DCAKD: variants seen among roughly 807,000 people sequenced by gnomAD.
DCAKD encodes the protein dephospho-CoA kinase domain-containing protein.
In DCAKD, 15 loss-of-function variants were observed where a neutral mutation model predicts 18.7. That is an observed-to-expected ratio of 0.80 (90% CI 0.54 to 1.24). The LOEUF is 1.24. DCAKD is among the 50% of genes most tolerant of loss of function. The pLI, the probability that DCAKD is intolerant of heterozygous loss-of-function variation, is 0.00. For missense variants in DCAKD, 301 were observed against 322.0 expected (o/e 0.93, Z 0.50); for synonymous variants, 130 against 133.0 (o/e 0.98, Z 0.16).
At chr17:45,030,002 TG>T in intron 4 of DCAKD, 89 bp downstream of exon 4, 1 of 1,242,936 alleles carries the variant, frequency 8.0e-7, no homozygotes, top group Non-Finnish European at 1.2e-6. Context: ...GGCCGCCCCG[TG>T]GGGAAAGGGC....
chr17:45,033,059 G>A (rs1305108200), intron 3 of DCAKD, among the ~76,000 whole-genome samples: 1 of 152,084 alleles, frequency 6.6e-6, no homozygotes, highest in Non-Finnish European at 1.5e-5. Flanking sequence ...GAAGAACATG[G>A]CTTAGGCCAG....
chr17:45,033,712 G>C (rs991996136), intron 3 of DCAKD: 4 of 348,080 alleles, frequency 1.1e-5, no homozygotes, highest in African/African-American at 8.8e-5. Context: ...TGATCTGCCT[G>C]CCTCGGCCTC....
upstream of DCAKD, among the ~76,000 whole-genome samples, chr17:45,054,670 G>C (rs1334764759): frequency 3.3e-5 from 5 of 152,148 alleles, no homozygotes; most frequent in Non-Finnish European, 7.3e-5. Flanking sequence ...TATAGAGCCA[G>C]ATTTAATGGC....
rs1427105590 is a variant in DCAKD, at chr17:45,024,322, TGTGTGTGTGTGTGTGTGG to T, written c.*93_*110del. On this transcript the variant is annotated 3_prime_UTR_variant, in exon 5 of 5. Transcript: ENST00000651974. ...GTGTGTGTGTGTGTGTGTGTGTGTG[TGTGTGTGTGTGTGTGTGG>T]GGAGGGGGCTGAGAGGAAACAGGAT... The T allele has an allele frequency of 5.8e-3, 2,717 of 464,742 alleles. 44 individuals are homozygous for T. Among genetic ancestry groups the T allele is most frequent in the East Asian group, 0.033 (978 of 29,866 alleles). 28.8% of individuals were successfully genotyped at this position (464,742 alleles called of 1,614,324 possible).
At chr17:45,045,416 G>A (rs2143335524) in intron 1 of DCAKD, among the ~76,000 whole-genome samples, 1 of 152,128 alleles carries the variant, frequency 6.6e-6, no homozygotes, top group African/African-American at 2.4e-5. Flanking sequence ...CCAAAAACAG[G>A]GCCTGACAAA....
chr17:45,027,279 A>ACC (rs2053075332), intron 4 of DCAKD, among the ~76,000 whole-genome samples: 1 of 152,222 alleles, frequency 6.6e-6, no homozygotes, highest in African/African-American at 2.4e-5. Context: ...GTTTGAGGCT[A>ACC]TAGTTAGCTG....
chr17:45,051,060 C>T (rs1174522160), intron 1 of DCAKD, among the ~76,000 whole-genome samples: 2 of 152,216 alleles, frequency 1.3e-5, no homozygotes, highest in East Asian at 3.8e-4. Context: ...GCACTTTATA[C>T]CCACCCTATG....
chr17:45,028,238 A>G (rs1039126054), intron 4 of DCAKD, among the ~76,000 whole-genome samples: 2 of 150,134 alleles, frequency 1.3e-5, no homozygotes, highest in Non-Finnish European at 3.0e-5. Context: ...CCTCCCGAGT[A>G]GCTGGGACTA....
chr17:45,043,826 C>T (rs1282403079), intron 1 of DCAKD, among the ~76,000 whole-genome samples: 2 of 152,058 alleles, frequency 1.3e-5, no homozygotes, highest in Non-Finnish European at 2.9e-5. Context: ...CTCCCTCCTT[C>T]CACTTGTATA....
At position 45,024,516 on chromosome 17, in the gene DCAKD, G is replaced by C. The variant is rs1425313451; in HGVS notation, c.613C>G (p.Leu205Val). 6.2e-7 allele frequency: 1 copy of C among 1,614,174 alleles called. No homozygotes were observed. Among genetic ancestry groups the C allele is most frequent in the Non-Finnish European group, 8.5e-7 (1 of 1,180,000 alleles). Residue 205 changes from leucine to valine, a missense_variant, in exon 5 of 5, where the codon CTG becomes GTG. Coordinates refer to ENST00000651974, the MANE Select transcript of DCAKD (RefSeq NM_001288655.2). ...AGCCCTGTGAGGACCCCAAACCTCA[G>C]CGGCAGGTACTCCAGGGAGCGCTCC... ...ELERSLEYLP[L>V]RFGVLTGLAA...
chr17:45,024,668 T>C lies in DCAKD; in HGVS notation c.461A>G (p.Asp154Gly), dbSNP rs1321043494. 6.2e-7 allele frequency: 1 copy of C among 1,607,946 alleles called. No individual in the cohort carries two copies. The highest frequency in any genetic ancestry group is 8.5e-7 in the Non-Finnish European group (1 of 1,175,488). The change falls in exon 5 of 5, where the codon GAC becomes GGC. Residue 154 changes from aspartate to glycine, a missense_variant. Transcript: ENST00000651974. ...LMRRNSLNRKDAEARINAQLP... is the reference protein window; with the variant it reads ...LMRRNSLNRKGAEARINAQLP... ...CTGGGCATTGATGCGGGCCTCTGCG[T>C]CCTTGCGGTTCAGGCTGTTCCGCCG...
At position 45,023,564 on chromosome 17, in the gene DCAKD, G is replaced by A. The variant is rs1157110316; in HGVS notation, c.*869C>T. 1 of 144,292 alleles carries A rather than the reference G, an allele frequency of 6.9e-6. No homozygotes were observed. The highest frequency in any genetic ancestry group is 1.5e-5 in the Non-Finnish European group (1 of 66,404). 8.9% of individuals were successfully genotyped at this position (144,292 alleles called of 1,614,324 possible). A position where few individuals can be genotyped will look rare whatever the true frequency, so the allele number is the denominator to read the frequency against. On this transcript the variant is annotated 3_prime_UTR_variant, in exon 5 of 5. Coordinates refer to ENST00000651974, the MANE Select transcript of DCAKD (RefSeq NM_001288655.2). ...TCCTAGACCACCTAACCCAGCCTGG[G>A]GCTTTAGACAGTGCCTGAACTGAGA...
intron 4 of DCAKD, among the ~76,000 whole-genome samples, chr17:45,025,744 C>CTTTTTTTTTTTTTTTTTTTTTTT (rs66731834): frequency 9.6e-6 from 1 of 103,882 alleles, no homozygotes; most frequent in Non-Finnish European, 1.8e-5. Context: ...TTGGTTCCTT[C>CTTTTTTTTTTTTTTTTTTTTTTT]TTTTTTTTTT....
intron 4 of DCAKD, among the ~76,000 whole-genome samples, chr17:45,025,974 A>G (rs1366677276): frequency 1.3e-5 from 2 of 151,052 alleles, no homozygotes; most frequent in African/African-American, 4.9e-5. Flanking sequence ...GCTGGAGTGC[A>G]GTGGCACAAT....
At chr17:45,045,694 T>C (rs2143337951) in intron 1 of DCAKD, among the ~76,000 whole-genome samples, 1 of 144,266 alleles carries the variant, frequency 6.9e-6, no homozygotes. Flanking sequence ...ATCGCACCAC[T>C]GCGCTCCAGC....
intron 1 of DCAKD, among the ~76,000 whole-genome samples, chr17:45,041,234 T>C (rs1283070725): frequency 6.6e-6 from 1 of 152,064 alleles, no homozygotes; most frequent in Non-Finnish European, 1.5e-5. Context: ...CCAGGCCCTG[T>C]GTGACTCCCT....
At position 45,024,323 on chromosome 17, in the gene DCAKD, G is replaced by A; in HGVS notation, c.*110C>T. 8.6e-6 allele frequency: 4 copies of A among 464,672 alleles called. No individual in the cohort carries two copies. The highest frequency in any genetic ancestry group is 2.5e-5 in the South Asian group (1 of 39,256). 28.8% of individuals were successfully genotyped at this position (464,672 alleles called of 1,614,324 possible). ...TGTGTGTGTGTGTGTGTGTGTGTGT[G>A]TGTGTGTGTGTGTGTGGGGAGGGGG... On this transcript the variant is annotated 3_prime_UTR_variant, in exon 5 of 5. Coordinates refer to ENST00000651974, the MANE Select transcript of DCAKD (RefSeq NM_001288655.2).
At chr17:45,041,841 A>G (rs950281290) in intron 1 of DCAKD, among the ~76,000 whole-genome samples, 3 of 151,742 alleles carry the variant, frequency 2.0e-5, no homozygotes, top group African/African-American at 7.3e-5. Flanking sequence ...ATGGGGGGCC[A>G]TGCATGGTGG....
At chr17:45,036,519 GA>G (rs1027995392) in intron 1 of DCAKD, among the ~76,000 whole-genome samples, 28 of 142,978 alleles carry the variant, frequency 2.0e-4, no homozygotes, top group Non-Finnish European at 2.8e-4. Flanking sequence ...CCGTCTCAGA[GA>G]AAAAAAAAAA....
Sources: gnomAD v4.1 joint callset for allele counts (sites outside exome capture counted in the v4.1 genomes callset) on GRCh38, gnomAD v4.1.1 for gene constraint, MANE v1.5 for transcripts, NCBI Gene and HGNC (gene_info 2026-07-23, HGNC 2026-07-21) for gene names.